PIEZO2: variants seen among roughly 807,000 people sequenced by gnomAD.
PIEZO2 encodes the protein piezo-type mechanosensitive ion channel component 2.
PIEZO2 carries 172 observed loss-of-function variants against 337.3 expected under a neutral mutation model. The observed-to-expected ratio is 0.51, with a 90% CI of 0.45 to 0.58. The LOEUF is 0.58. PIEZO2 is among the 20% of genes least tolerant of loss of function. The pLI is 0.00. For missense variants in PIEZO2, 3,028 were observed against 3,391.3 expected (o/e 0.89, Z 2.66); for synonymous variants, 1,251 against 1,228.5 (o/e 1.02, Z -0.38).
rs1047877113 is a variant in PIEZO2 at position 11,031,948 on chromosome 18, C to G, written c.160+34179G>C. 6.6e-6 allele frequency among the ~76,000 whole-genome samples: 1 copy of G among 152,212 alleles called. No individual in the cohort carries two copies. The highest frequency in any genetic ancestry group is 1.5e-5 in the Non-Finnish European group (1 of 68,042). On this transcript the variant is annotated intron_variant, in intron 2 of 55. Coordinates refer to ENST00000674853, the MANE Select transcript of PIEZO2 (RefSeq NM_001378183.1). This position sits in a 1 kb window ranked among gnomAD's most constrained non-coding sequence, Gnocchi z 4.7. ...CAAGATACGAGACAAAACTCGTTCT[C>G]TCTCTGTCTTTCTCTGTTTCTCTCT...
At chr18:10,860,027 G>A (rs188496135) in intron 5 of PIEZO2, among the ~76,000 whole-genome samples, 55 of 152,316 alleles carry the variant, frequency 3.6e-4, no homozygotes, top group African/African-American at 1.3e-3. Flanking sequence ...GGACAGACAG[G>A]AGGGAGGCAG....
Position 11,102,237 on chromosome 18 carries a change from C to A in PIEZO2, c.65-36015G>T, listed in dbSNP as rs985496288. ...TTCTAAATTAATGAGATAAAAAATA[C>A]ATTCTAATTTAAAATGTATCCAGTG... On this transcript the variant is annotated intron_variant, in intron 1 of 55. Transcript: ENST00000674853. The surrounding 1 kb of genome is among the most constrained non-coding windows in gnomAD (Gnocchi z 5.7). Among the ~76,000 whole-genome samples the A allele has an allele frequency of 4.6e-5, 7 of 152,166 alleles. No individual in the cohort carries two copies. Among genetic ancestry groups the A allele is most frequent in the African/African-American group, 1.4e-4 (6 of 41,434 alleles).
chr18:10,988,427 C>T lies in PIEZO2; in HGVS notation c.161-8767G>A, dbSNP rs938880116. ...TGTTAAGATGACTATTTTTGAAAAACAAAAGATAACAAGTGTTGGAGAGGG... is the reference window on the plus strand; with the variant it reads ...TGTTAAGATGACTATTTTTGAAAAATAAAAGATAACAAGTGTTGGAGAGGG... On this transcript the variant is annotated intron_variant, in intron 2 of 55. Coordinates refer to ENST00000674853, the MANE Select transcript of PIEZO2 (RefSeq NM_001378183.1). The surrounding 1 kb of genome is among the most constrained non-coding windows in gnomAD (Gnocchi z 4.8). Among the ~76,000 whole-genome samples, 1 of 152,042 alleles carries T rather than the reference C, an allele frequency of 6.6e-6. No individual in the cohort carries two copies. Among genetic ancestry groups the T allele is most frequent in the Non-Finnish European group, 1.5e-5 (1 of 67,980 alleles).
chr18:11,072,054 T>C (rs1027163597), intron 1 of PIEZO2, among the ~76,000 whole-genome samples: 1 of 152,092 alleles, frequency 6.6e-6, no homozygotes, highest in African/African-American at 2.4e-5. Flanking sequence ...CTGGAAGCTG[T>C]CCAGGACCAT....
chr18:11,068,245 A>G (rs2038217672), intron 1 of PIEZO2, among the ~76,000 whole-genome samples: 2 of 152,194 alleles, frequency 1.3e-5, no homozygotes, highest in African/African-American at 2.4e-5. Flanking sequence ...TTAAGCACAC[A>G]TGGAGGATTC....
Position 10,861,425 on chromosome 18 carries a change from T to C in PIEZO2, c.493-4214A>G, listed in dbSNP as rs2041869423. 1.3e-5 allele frequency among the ~76,000 whole-genome samples: 2 copies of C among 152,238 alleles called. No individual in the cohort carries two copies. Among genetic ancestry groups the C allele is most frequent in the Admixed American group, 6.5e-5 (1 of 15,282 alleles). The stretch of plus-strand genomic sequence containing the variant: ...TCTCACCTCTTTAAAAGTTTATGAT[T>C]TTAACAGGAAATCTTGTTATTTGCA... On this transcript the variant is annotated intron_variant, in intron 5 of 55. Coordinates refer to ENST00000674853, the MANE Select transcript of PIEZO2 (RefSeq NM_001378183.1). This position sits in a 1 kb window ranked among gnomAD's most constrained non-coding sequence, Gnocchi z 4.3.
At position 11,146,316 on chromosome 18, in the gene PIEZO2, G is replaced by C. The variant is rs1051057243; in HGVS notation, c.64+2209C>G. ...GGATCAAAGTGGACTCAGGCAGCGG[G>C]AGCCCCCAGCCTGCCCTGGGGCACA... On this transcript the variant is annotated intron_variant, in intron 1 of 55. Transcript: ENST00000674853. The surrounding 1 kb of genome is among the most constrained non-coding windows in gnomAD (Gnocchi z 6.1). Among the ~76,000 whole-genome samples the C allele has an allele frequency of 1.3e-5, 2 of 152,184 alleles. No homozygotes were observed. Among genetic ancestry groups the C allele is most frequent in the Admixed American group, 1.3e-4 (2 of 15,290 alleles).
rs2033847018 is a variant in PIEZO2 at position 10,673,007 on chromosome 18, T to C, written c.8162-134A>G. ...CTAGGATGAAAAGGATGCATGGACA[T>C]ACTAGAAGCGTGAATGGGCAAGGAA... is the stretch of plus-strand genomic sequence containing the variant. On this transcript the variant is annotated intron_variant, in intron 54 of 55. Coordinates refer to ENST00000674853, the MANE Select transcript of PIEZO2 (RefSeq NM_001378183.1). This position sits in a 1 kb window ranked among gnomAD's most constrained non-coding sequence, Gnocchi z 4.8. 2.8e-6 allele frequency: 2 copies of C among 704,224 alleles called. No homozygotes were observed. The highest frequency in any genetic ancestry group is 2.8e-5 in the East Asian group (1 of 35,754). 43.6% of individuals were successfully genotyped at this position (704,224 alleles called of 1,614,324 possible). A position where few individuals can be genotyped will look rare whatever the true frequency, so the allele number is the denominator to read the frequency against.
At chr18:11,011,250 G>T (rs547385182) in intron 2 of PIEZO2, among the ~76,000 whole-genome samples, 2 of 152,090 alleles carry the variant, frequency 1.3e-5, no homozygotes, top group Non-Finnish European at 2.9e-5. Context: ...CATTTAATCT[G>T]TGTCCTACAA....
chr18:10,961,930 T>C (rs977636869), intron 3 of PIEZO2, among the ~76,000 whole-genome samples: 4 of 152,080 alleles, frequency 2.6e-5, no homozygotes, highest in African/African-American at 7.2e-5. Context: ...AATGAAAACA[T>C]CTCACAAGCA....
chr18:11,091,976 C>G (rs551085430), intron 1 of PIEZO2, among the ~76,000 whole-genome samples: 1 of 152,244 alleles, frequency 6.6e-6, no homozygotes, highest in South Asian at 2.1e-4. Context: ...AAAGGCAGGC[C>G]GTGGTTTCCC....
rs1598924772 is a variant in PIEZO2, at chr18:11,078,179, TAC to T, written c.65-11959_65-11958del. Among the ~76,000 whole-genome samples, 1 of 151,238 alleles carries T rather than the reference TAC, an allele frequency of 6.6e-6. No homozygotes were observed. The highest frequency in any genetic ancestry group is 2.4e-5 in the African/African-American group (1 of 41,240). ...CACACATACACACACCACACACACA[TAC>T]ACACACACACTTGTATGGGCTTTAT... On this transcript the variant is annotated intron_variant, in intron 1 of 55. Transcript: ENST00000674853. The surrounding 1 kb of genome is among the most constrained non-coding windows in gnomAD (Gnocchi z 5.3).
chr18:10,803,951 C>T lies in PIEZO2; in HGVS notation c.1124G>A (p.Cys375Tyr), dbSNP rs1282462599. 15 of 1,537,330 alleles carry T rather than the reference C, an allele frequency of 9.8e-6. No individual in the cohort carries two copies. Among genetic ancestry groups the T allele is most frequent in the Non-Finnish European group, 1.3e-5 (15 of 1,146,932 alleles). ...CCCCGCTGTTATTTGGATGGGGCTA[C>T]AAGCCAGGGCTTTGTCCTCTTCTTT... is the stretch of plus-strand genomic sequence containing the variant. Reference protein sequence around the residue: ...GTKEEDKALACSPIQITAGRR... With the variant: ...GTKEEDKALAYSPIQITAGRR... The change falls in exon 9 of 56, where the codon TGT becomes TAT. Residue 375 changes from cysteine to tyrosine, a missense_variant. Around this residue, in one of 5 missense-constraint regions of PIEZO2, gnomAD observed 542 missense variants for 605.6 expected, o/e 0.89. Transcript: ENST00000674853.
intron 4 of PIEZO2, among the ~76,000 whole-genome samples, chr18:10,892,607 G>A (rs2042788026): frequency 6.6e-6 from 1 of 151,960 alleles, no homozygotes; most frequent in African/African-American, 2.4e-5. Context: ...CACCTAAAAT[G>A]GGTAGAATTT....
chr18:11,070,778 G>A lies in PIEZO2; in HGVS notation c.65-4556C>T, dbSNP rs556703057. ...GCAAGAAGGGGAGGCCCGGGAGACT[G>A]AGCAGAGGACGCCAGGGAACAGACT... On this transcript the variant is annotated intron_variant, in intron 1 of 55. Coordinates refer to ENST00000674853, the MANE Select transcript of PIEZO2 (RefSeq NM_001378183.1). The surrounding 1 kb of genome is among the most constrained non-coding windows in gnomAD (Gnocchi z 4.3). 6.6e-6 allele frequency among the ~76,000 whole-genome samples: 1 copy of A among 152,338 alleles called. No individual in the cohort carries two copies. Among genetic ancestry groups the A allele is most frequent in the East Asian group, 1.9e-4 (1 of 5,176 alleles).
chr18:10,742,955 T>C (rs1209097205), intron 31 of PIEZO2, among the ~76,000 whole-genome samples: 1 of 152,168 alleles, frequency 6.6e-6, no homozygotes, highest in African/African-American at 2.4e-5. Context: ...AATTTGAACA[T>C]GGCATATTAT....
chr18:11,141,500 C>T (rs2040645243), intron 1 of PIEZO2, among the ~76,000 whole-genome samples: 4 of 152,124 alleles, frequency 2.6e-5, no homozygotes, highest in Non-Finnish European at 5.9e-5. Flanking sequence ...GCGGGGCGCA[C>T]AGAATGTAGA....
chr18:10,973,758 A>G lies in PIEZO2; in HGVS notation c.286+5777T>C, dbSNP rs1252374814. ...AGGAACCCAAGCCTCCTCACTGATC[A>G]GCTATCAGAAGAAAGCAGGCAGCCA... On this transcript the variant is annotated intron_variant, in intron 3 of 55. Transcript: ENST00000674853. The surrounding 1 kb of genome is among the most constrained non-coding windows in gnomAD (Gnocchi z 4.9). Among the ~76,000 whole-genome samples the G allele has an allele frequency of 1.3e-5, 2 of 152,242 alleles. No homozygotes were observed. Among genetic ancestry groups the G allele is most frequent in the Non-Finnish European group, 2.9e-5 (2 of 68,044 alleles).
intron 1 of PIEZO2, among the ~76,000 whole-genome samples, chr18:11,113,128 C>A (rs1379480443): frequency 6.6e-6 from 1 of 152,168 alleles, no homozygotes; most frequent in African/African-American, 2.4e-5. Context: ...GGGCTTTATG[C>A]TCCTGGAAAA....
Sources: allele counts gnomAD v4.1 joint callset (sites outside exome capture counted in the v4.1 genomes callset), GRCh38; gene constraint gnomAD v4.1.1; regional missense constraint gnomAD v4.1.1; non-coding constraint Gnocchi (gnomAD v3.1); transcripts MANE v1.5; gene names NCBI Gene and HGNC (gene_info 2026-07-23, HGNC 2026-07-21).